Variants in CROCC observed in about 807,000 individuals in gnomAD.
The protein encoded by CROCC is rootletin.
CROCC carries 180 observed loss-of-function variants against 245.2 expected under a neutral mutation model. The ratio of observed to expected loss-of-function variants is 0.73; its 90% CI spans 0.65 to 0.83. CROCC has a LOEUF of 0.83. Among genes scored for constraint, CROCC ranks in the 40% least tolerant of loss-of-function variants. The pLI is 0.00. For missense variants in CROCC, 2,688 were observed against 2,779.4 expected (o/e 0.97, Z 0.74); for synonymous variants, 1,205 against 1,241.6 (o/e 0.97, Z 0.62).
At chr1:16,925,505 AT>A (rs2075514729) in intron 3 of CROCC, among the ~76,000 whole-genome samples, 1 of 152,282 alleles carries the variant, frequency 6.6e-6, no homozygotes, top group African/African-American at 2.4e-5. Context: ...CTGAAGTTTC[AT>A]TTCCTGTGTA....
rs185102176 is a variant in CROCC, at chr1:16,932,062, A to T, written c.956+665A>T. 6.9e-4 allele frequency among the ~76,000 whole-genome samples: 105 copies of T among 152,318 alleles called. No individual in the cohort carries two copies. The East Asian group carries it at 0.014, about 20-fold the overall frequency. On this transcript the variant is annotated intron_variant, in intron 8 of 36. Coordinates refer to ENST00000375541, the MANE Select transcript of CROCC (RefSeq NM_014675.5). ...GATTATAGGCATGAGCCACAGCGCC[A>T]GGCCGAAGTTCCTGATTTTAATCCA...
At chr1:16,935,175 C>T (rs1399042529) in intron 8 of CROCC, among the ~76,000 whole-genome samples, 3 of 152,278 alleles carry the variant, frequency 2.0e-5, no homozygotes, top group Non-Finnish European at 2.9e-5. Flanking sequence ...GCTGGGATTA[C>T]AGGCATGAGC....
At chr1:16,923,972 C>A (rs1286991090) in intron 2 of CROCC, among the ~76,000 whole-genome samples, 2 of 152,238 alleles carry the variant, frequency 1.3e-5, no homozygotes, top group Admixed American at 1.3e-4. Context: ...GAGTCCGTGC[C>A]CGCCCCACCC....
At chr1:16,932,404 T>C (rs1228607457) in intron 8 of CROCC, among the ~76,000 whole-genome samples, 9 of 152,224 alleles carry the variant, frequency 5.9e-5, no homozygotes, top group Non-Finnish European at 1.2e-4. Flanking sequence ...CTCGCCATTG[T>C]ACTCCGGCCT....
intron 3 of CROCC, among the ~76,000 whole-genome samples, chr1:16,928,833 A>G (rs1218952586): frequency 1.3e-5 from 2 of 151,948 alleles, no homozygotes; most frequent in Non-Finnish European, 2.9e-5. Context: ...TAAAATAAAA[A>G]ATAAATAAAT....
Position 16,923,197 on chromosome 1 carries a change from G to A in CROCC, c.196+399G>A, listed in dbSNP as rs539023726. On this transcript the variant is annotated intron_variant, in intron 2 of 36. Coordinates refer to ENST00000375541, the MANE Select transcript of CROCC (RefSeq NM_014675.5). ...ATGGCGCCGTCCATCCGTTTCCCAC[G>A]TGGGCAGGAAGGCGGATGGTCCCTG... 7.2e-5 allele frequency among the ~76,000 whole-genome samples: 11 copies of A among 152,394 alleles called. No homozygotes were observed. In the East Asian group the frequency reaches 1.9e-3, roughly 27 times the overall value.
chr1:16,928,823 T>G (rs1456063366), intron 3 of CROCC, among the ~76,000 whole-genome samples: 7 of 151,666 alleles, frequency 4.6e-5, no homozygotes, highest in African/African-American at 1.7e-4. Flanking sequence ...ATAAATAAAA[T>G]AAAATAAAAA....
In CROCC at chr1:16,972,380, G is replaced by A. The variant is rs758353671; in HGVS notation, c.5988G>A (p.Gln1996=). 2 of 1,614,028 alleles carry A rather than the reference G, an allele frequency of 1.2e-6. No homozygotes were observed. The highest frequency in any genetic ancestry group is 1.7e-6 in the Non-Finnish European group (2 of 1,179,934). ...LEEQVSTLKG[Q]LQQELRRSSA... Reference sequence around the variant, plus strand: ...CCCAGGTGTCCACACTGAAGGGCCAGCTGCAGCAGGAGCTTCGAAGGAGCT... The same window carrying A: ...CCCAGGTGTCCACACTGAAGGGCCAACTGCAGCAGGAGCTTCGAAGGAGCT... Residue 1996 remains glutamine (Q), a synonymous_variant, in exon 37 of 37, where the codon CAG becomes CAA. Coordinates refer to ENST00000375541, the MANE Select transcript of CROCC (RefSeq NM_014675.5).
intron 3 of CROCC, among the ~76,000 whole-genome samples, chr1:16,929,615 G>A (rs7418474): frequency 8.8e-3 from 1,337 of 151,856 alleles, no homozygotes; most frequent in African/African-American, 0.031. Flanking sequence ...GGGTTTGTGG[G>A]CTCACCTGCA....
chr1:16,925,074 G>A (rs2075503473), intron 3 of CROCC, among the ~76,000 whole-genome samples: 1 of 152,288 alleles, frequency 6.6e-6, no homozygotes, highest in African/African-American at 2.4e-5. Flanking sequence ...GCGGGAGCTG[G>A]GTGTGAGCCG....
rs745994746 is a variant in CROCC at position 16,930,584 on chromosome 1, G to T, written c.839G>T (p.Arg280Leu). The T allele has an allele frequency of 6.2e-7, 1 of 1,610,018 alleles. No homozygotes were observed. The highest frequency in any genetic ancestry group is 8.5e-7 in the Non-Finnish European group (1 of 1,178,860). ...GAGCACCGGGAGGCGGCGTGGAGGC[G>T]CGAGGAGGAGGTGGGCATGGGGGTG... ...ELEHREAAWR[R>L]EEESFNAYFS... The change falls in exon 7 of 37, where the codon CGC (arginine) becomes CTC (leucine). Residue 280 changes from arginine to leucine, a missense_variant. Around this residue, in one of 9 missense-constraint regions of CROCC, gnomAD observed 972 missense variants for 895.3 expected, o/e 1.09. Transcript: ENST00000375541.
rs201480427 is a variant in CROCC at position 16,924,441 on chromosome 1, G to A, written c.313G>A (p.Asp105Asn). 104 of 1,613,224 alleles carry A rather than the reference G, an allele frequency of 6.4e-5. No homozygotes were observed. Among genetic ancestry groups the A allele is most frequent in the Middle Eastern group, 1.6e-4 (1 of 6,082 alleles). Residue 105 changes from aspartate (D) to asparagine (N), a missense_variant, in exon 3 of 37, where the codon GAT (aspartate) becomes AAT (asparagine). This residue lies in a region of CROCC where 972 missense variants were observed against 895.3 expected (regional missense o/e 1.09). Transcript: ENST00000375541. ...GCTGGCCCAGAGCCGTGCCGAGCGC[G>A]ATGAGCTCGCCATTAAGTACAATGC... ...DLLAQSRAER[D>N]ELAIKYNAVS...
chr1:16,969,876 T>A lies in CROCC; in HGVS notation c.5393T>A (p.Val1798Glu). Residue 1798 changes from valine (V) to glutamate (E), a missense_variant, in exon 33 of 37, where the codon GTG becomes GAG. This residue lies in a region of CROCC where 1,218 missense variants were observed against 1,286.3 expected (regional missense o/e 0.95). Coordinates refer to ENST00000375541, the MANE Select transcript of CROCC (RefSeq NM_014675.5). ...GEQVQTLRGE[V>E]ADLELQRVEA... ...CAGGTGCAGACGTTGCGAGGCGAGGTGGCTGACCTGGAACTGCAGCGGGTG... is the reference window on the plus strand; with the variant it reads ...CAGGTGCAGACGTTGCGAGGCGAGGAGGCTGACCTGGAACTGCAGCGGGTG... The A allele has an allele frequency of 6.2e-7, 1 of 1,611,272 alleles. No individual in the cohort carries two copies.
At chr1:16,939,170 G>A (rs1189114589) in intron 12 of CROCC, 28 bp downstream of exon 12, 3 of 1,414,124 alleles carry the variant, frequency 2.1e-6, no homozygotes, top group East Asian at 2.8e-5. Flanking sequence ...CGTTCTGGGC[G>A]CAGCCAGAGG....
chr1:16,931,745 G>A (rs1410196622), intron 8 of CROCC, among the ~76,000 whole-genome samples: 1 of 152,160 alleles, frequency 6.6e-6, no homozygotes, highest in East Asian at 1.9e-4. Context: ...GGCTGAGTCA[G>A]AGTTTGAAGT....
intron 3 of CROCC, among the ~76,000 whole-genome samples, chr1:16,925,376 A>G (rs561174494): frequency 9.7e-4 from 148 of 152,376 alleles, no homozygotes; most frequent in African/African-American, 3.4e-3. Flanking sequence ...ACAGAGGCTC[A>G]GGGAGGGGAA....
chr1:16,915,477 C>T (rs996857685), intron 1 of CROCC, among the ~76,000 whole-genome samples: 2 of 151,618 alleles, frequency 1.3e-5, no homozygotes, highest in Admixed American at 1.3e-4. Flanking sequence ...CTCATCTCTA[C>T]AACAAGTAAA....
Position 16,972,344 on chromosome 1 carries a change from T to G in CROCC, c.5968-16T>G. 2 of 1,612,024 alleles carry G rather than the reference T, an allele frequency of 1.2e-6. No homozygotes were observed. The highest frequency in any genetic ancestry group is 1.7e-6 in the Non-Finnish European group (2 of 1,178,308). On this transcript the variant is annotated splice_polypyrimidine_tract_variant and intron_variant, in intron 36 of 36. Coordinates refer to ENST00000375541, the MANE Select transcript of CROCC (RefSeq NM_014675.5). ...GCTGAGGACCTGGCTGGCCTTACCT[T>G]CCCTTTCTTCCCCAGGTGTCCACAC...
In CROCC at chr1:16,966,716, C is replaced by A; in HGVS notation, c.4860+145C>A. The A allele has an allele frequency of 1.1e-6, 1 of 932,622 alleles. No individual in the cohort carries two copies. The highest frequency in any genetic ancestry group is 2.1e-5 in the South Asian group (1 of 46,984). The allele number at this position is 932,622 out of a possible 1,614,324, so 57.8% of individuals were successfully genotyped here. ...TGACCAGCCTGTGACTCTGTGAAAC[C>A]ATGTTCAGACTCCATCCTCTCATGT... On this transcript the variant is annotated intron_variant, in intron 30 of 36. Coordinates refer to ENST00000375541, the MANE Select transcript of CROCC (RefSeq NM_014675.5). This position sits in a 1 kb window ranked among gnomAD's most constrained non-coding sequence, Gnocchi z 4.8.
Sources: allele counts gnomAD v4.1 joint callset (sites outside exome capture counted in the v4.1 genomes callset), GRCh38; gene constraint gnomAD v4.1.1; regional missense constraint gnomAD v4.1.1; non-coding constraint Gnocchi (gnomAD v3.1); transcripts MANE v1.5; gene names NCBI Gene and HGNC (gene_info 2026-07-23, HGNC 2026-07-21).